The following CPNE3 variants were observed in gnomAD, a reference collection of about 807,000 sequenced individuals.
The protein encoded by CPNE3 is copine 3.
Under a neutral mutation model 63.9 loss-of-function variants are expected in CPNE3, and 68 were observed. The observed-to-expected ratio is 1.06, with a 90% CI of 0.87 to 1.30. The LOEUF is 1.30. Among genes scored for constraint, CPNE3 ranks in the 50% most tolerant of loss-of-function variants. CPNE3 has a pLI of 0.00. For missense variants in CPNE3, 665 were observed against 578.1 expected, an observed-to-expected ratio of 1.15 and a Z score of -1.54; for synonymous variants, 219 against 197.5, an observed-to-expected ratio of 1.11 and a Z score of -0.91.
chr8:86,539,819 C>T (rs1168008637), intron 7 of CPNE3, among the ~76,000 whole-genome samples: 1 of 151,958 alleles, frequency 6.6e-6, no homozygotes, highest in African/African-American at 2.4e-5. Context: ...TGCACCACCA[C>T]ACCCAGCTAA....
At chr8:86,520,630 T>C (rs1820415386) in intron 2 of CPNE3, among the ~76,000 whole-genome samples, 1 of 151,816 alleles carries the variant, frequency 6.6e-6, no homozygotes, top group Admixed American at 6.6e-5. Context: ...ATGCCTGCCA[T>C]TGTGGTGTGA....
At chr8:86,529,829 G>A (rs1468705508) in intron 4 of CPNE3, among the ~76,000 whole-genome samples, 1 of 151,854 alleles carries the variant, frequency 6.6e-6, no homozygotes, top group Non-Finnish European at 1.5e-5. Flanking sequence ...TTTTCAATAT[G>A]TGACATTTGT....
At position 86,560,236 on chromosome 8, in the gene CPNE3, TTC is replaced by T. The variant is rs1175816733; in HGVS notation, c.*1830_*1831del. ...GCCATAGTTGTCTCAGATGTTCTAA[TTC>T]TCTTTGTATGCTTGGAAACAGCATA... On this transcript the variant is annotated 3_prime_UTR_variant, in exon 17 of 17. Coordinates refer to ENST00000517490, the MANE Select transcript of CPNE3 (RefSeq NM_003909.5). 6.6e-6 allele frequency: 1 copy of T among 152,232 alleles called. No individual in the cohort carries two copies. The allele number at this position is 152,232 out of a possible 1,614,324, so 9.4% of individuals were successfully genotyped here.
chr8:86,538,384 A>G (rs574534793), intron 7 of CPNE3, among the ~76,000 whole-genome samples: 1 of 152,294 alleles, frequency 6.6e-6, no homozygotes, highest in South Asian at 2.1e-4. Context: ...CAAAATAAAT[A>G]AATAAATAAA....
chr8:86,544,917 G>A, intron 9 of CPNE3, 79 bp downstream of exon 9: 1 of 759,708 alleles, frequency 1.3e-6, no homozygotes, highest in South Asian at 2.2e-5. Context: ...TTTTCCCATA[G>A]CATCAAACGG....
rs183367184 is a variant in CPNE3, at chr8:86,529,930, T to C, written c.312+806T>C. 3.6e-4 allele frequency among the ~76,000 whole-genome samples: 55 copies of C among 152,262 alleles called. 2 individuals are homozygous for C. Among genetic ancestry groups the C allele is most frequent in the Admixed American group, 3.3e-3 (51 of 15,290 alleles). ...CTGTATCTCAAAAGCAATATGAAAC[T>C]GATCAGTTTTCTGAAACTTTGATAA... is the stretch of plus-strand genomic sequence containing the variant. On this transcript the variant is annotated intron_variant, in intron 4 of 16. Coordinates refer to ENST00000517490, the MANE Select transcript of CPNE3 (RefSeq NM_003909.5).
intron 9 of CPNE3, among the ~76,000 whole-genome samples, chr8:86,545,778 T>C (rs952241611): frequency 1.7e-4 from 26 of 152,188 alleles, no homozygotes; most frequent in African/African-American, 6.0e-4. Context: ...ATCTCTTATA[T>C]TATTATTAGG....
intron 12 of CPNE3, among the ~76,000 whole-genome samples, chr8:86,549,946 C>G (rs1821135666): frequency 6.6e-6 from 1 of 152,204 alleles, no homozygotes; most frequent in South Asian, 2.1e-4. Flanking sequence ...CAGTCTCTAG[C>G]TCAGGTGTTC....
chr8:86,549,256 T>A (rs1244723787), intron 12 of CPNE3, among the ~76,000 whole-genome samples: 1 of 152,222 alleles, frequency 6.6e-6, no homozygotes, highest in Non-Finnish European at 1.5e-5. Context: ...AATTCCAATT[T>A]CAGGCTAGTA....
chr8:86,522,164 G>A (rs1245418459), intron 2 of CPNE3, among the ~76,000 whole-genome samples: 2 of 152,140 alleles, frequency 1.3e-5, no homozygotes, highest in African/African-American at 4.8e-5. Context: ...AGTAAAAGTA[G>A]AAATCTCTGG....
chr8:86,532,596 A>G lies in CPNE3; in HGVS notation c.459+16A>G. On this transcript the variant is annotated intron_variant, in intron 6 of 16. Coordinates refer to ENST00000517490, the MANE Select transcript of CPNE3 (RefSeq NM_003909.5). ...GGATAATAAGGTGGGTAGACTATGC[A>G]GATTTCAAAAAGGTTGTCATGTTTT... The G allele has an allele frequency of 6.3e-7, 1 of 1,595,872 alleles. No individual in the cohort carries two copies. Among genetic ancestry groups the G allele is most frequent in the Non-Finnish European group, 8.5e-7 (1 of 1,173,192 alleles).
chr8:86,527,077 G>T (rs1359286648), intron 2 of CPNE3, among the ~76,000 whole-genome samples: 2 of 152,100 alleles, frequency 1.3e-5, no homozygotes, highest in Non-Finnish European at 2.9e-5. Context: ...GAATCTTACT[G>T]CCATATTTAA....
intron 16 of CPNE3, among the ~76,000 whole-genome samples, chr8:86,557,228 G>C (rs1821344511): frequency 6.6e-6 from 1 of 152,086 alleles, no homozygotes; most frequent in African/African-American, 2.4e-5. Flanking sequence ...CCGCCTCCTG[G>C]GTTCAAGTGA....
chr8:86,532,786 A>G (rs1418257484), intron 6 of CPNE3, among the ~76,000 whole-genome samples: 1 of 152,126 alleles, frequency 6.6e-6, no homozygotes, highest in Non-Finnish European at 1.5e-5. Flanking sequence ...TAATCAAAGG[A>G]TTTGTTTAGG....
chr8:86,537,985 TCTCACACACA>T (rs1166065126), intron 7 of CPNE3, among the ~76,000 whole-genome samples: 1 of 142,804 alleles, frequency 7.0e-6, no homozygotes, highest in Non-Finnish European at 1.6e-5. Context: ...TCTCTCTCTC[TCTCACACACA>T]CACACACACA....
At chr8:86,544,088 C>A (rs1820999663) in intron 8 of CPNE3, among the ~76,000 whole-genome samples, 1 of 152,036 alleles carries the variant, frequency 6.6e-6, no homozygotes, top group Non-Finnish European at 1.5e-5. Flanking sequence ...CACCCTGTCT[C>A]ACATGGAAAT....
At chr8:86,547,658 G>C in intron 10 of CPNE3, 53 bp from the exon 11 acceptor site, 2 of 789,380 alleles carry the variant, frequency 2.5e-6, no homozygotes, top group South Asian at 1.5e-5. Context: ...AGAGTTTTTT[G>C]CTTCTCTTGT....
chr8:86,518,116 C>A (rs978527882), intron 2 of CPNE3, among the ~76,000 whole-genome samples: 1 of 152,088 alleles, frequency 6.6e-6, no homozygotes, highest in Non-Finnish European at 1.5e-5. Flanking sequence ...ATTTGTTCAC[C>A]GTGAACTAGA....
chr8:86,536,361 C>T (rs1051330943), intron 6 of CPNE3, among the ~76,000 whole-genome samples: 1 of 149,304 alleles, frequency 6.7e-6, no homozygotes, highest in African/African-American at 2.5e-5. Flanking sequence ...GAGATCAGAG[C>T]CAGGGAGTTT....
Sources: gnomAD v4.1 joint callset for allele counts (sites outside exome capture counted in the v4.1 genomes callset) on GRCh38, gnomAD v4.1.1 for gene constraint, MANE v1.5 for transcripts, NCBI Gene and HGNC (gene_info 2026-07-23, HGNC 2026-07-21) for gene names.